MRTFB: variants seen among roughly 807,000 people sequenced by gnomAD.
MRTFB encodes the protein myocardin-related transcription factor B.
MRTFB carries 29 observed loss-of-function variants against 104.2 expected under a neutral mutation model. The observed-to-expected ratio is 0.28, with a 90% CI of 0.21 to 0.38. MRTFB has a LOEUF of 0.38. MRTFB is among the 10% of genes least tolerant of loss of function. The pLI is 1.00. For synonymous variants in MRTFB, 535 were observed against 519.5 expected (o/e 1.03, Z -0.41); for missense variants, 1,270 against 1,341.6 (o/e 0.95, Z 0.83).
At chr16:14,007,712 C>T in the MRTFB span, among the ~76,000 whole-genome samples, 1 of 152,224 alleles carries the variant, frequency 6.6e-6, no homozygotes, top group Non-Finnish European at 1.5e-5. Context: ...AATTTCACTA[C>T]CTCCTTGCCA....
At chr16:14,253,303 A>G (rs2043330290) in intron 15 of MRTFB, among the ~76,000 whole-genome samples, 1 of 152,222 alleles carries the variant, frequency 6.6e-6, no homozygotes, top group African/African-American at 2.4e-5. Flanking sequence ...AGAGGATTCA[A>G]GGAGTGGCCC....
chr16:14,067,371 C>T (rs928694733), upstream of MRTFB, among the ~76,000 whole-genome samples: 19 of 151,878 alleles, frequency 1.3e-4, 1 homozygote, highest in Admixed American at 5.9e-4. Context: ...TATAGGCATG[C>T]GCCACCACAC....
intron 3 of MRTFB, among the ~76,000 whole-genome samples, chr16:14,208,754 A>T (rs1329146378): frequency 2.0e-5 from 3 of 152,246 alleles, no homozygotes; most frequent in Non-Finnish European, 4.4e-5. Context: ...TTAGTAAAGT[A>T]CAGTGGGAAC....
chr16:14,084,915 T>C (rs1206319916), intron 2 of MRTFB, among the ~76,000 whole-genome samples: 1 of 152,190 alleles, frequency 6.6e-6, no homozygotes, highest in Non-Finnish European at 1.5e-5. Flanking sequence ...TATCAGGAGC[T>C]ATTTCAAACA....
intron 8 of MRTFB, among the ~76,000 whole-genome samples, chr16:14,230,371 G>A (rs1198956297): frequency 2.0e-5 from 3 of 151,552 alleles, no homozygotes; most frequent in Non-Finnish European, 4.4e-5. Context: ...GAAAATTTTC[G>A]CAACCTACTC....
chr16:14,160,838 T>C (rs2039003469), intron 3 of MRTFB, among the ~76,000 whole-genome samples: 1 of 152,080 alleles, frequency 6.6e-6, no homozygotes, highest in Admixed American at 6.5e-5. Context: ...TTCATGGTGG[T>C]TTTTGTGTCC....
the MRTFB span, among the ~76,000 whole-genome samples, chr16:13,999,059 A>C: frequency 6.6e-6 from 1 of 151,550 alleles, no homozygotes; most frequent in African/African-American, 2.4e-5. Context: ...GCGTGGTAGC[A>C]TGTGCCTGTA....
At chr16:14,150,025 T>G (rs1034624098) in intron 3 of MRTFB, among the ~76,000 whole-genome samples, 1 of 152,190 alleles carries the variant, frequency 6.6e-6, no homozygotes, top group Non-Finnish European at 1.5e-5. Flanking sequence ...ACGGCACATC[T>G]TAGGCTCTCA....
At chr16:14,185,162 G>A (rs755065213) in intron 3 of MRTFB, among the ~76,000 whole-genome samples, 79 of 152,212 alleles carry the variant, frequency 5.2e-4, no homozygotes, top group Non-Finnish European at 1.1e-3. Flanking sequence ...ATTTGTTCCT[G>A]CAGAGGTTTG....
intron 6 of MRTFB, among the ~76,000 whole-genome samples, chr16:14,216,067 G>A (rs531943493): frequency 2.0e-4 from 30 of 152,286 alleles, no homozygotes; most frequent in Non-Finnish European, 3.1e-4. Context: ...CGCAATAGCG[G>A]TCACAACAGA....
At chr16:14,036,611 A>G in the MRTFB span, among the ~76,000 whole-genome samples, 2 of 151,082 alleles carry the variant, frequency 1.3e-5, no homozygotes, top group African/African-American at 2.4e-5. Context: ...TCCATCATAT[A>G]TATGTTGAAA....
intron 9 of MRTFB, among the ~76,000 whole-genome samples, chr16:14,235,771 T>C (rs760242901): frequency 2.0e-5 from 3 of 152,238 alleles, no homozygotes; most frequent in African/African-American, 4.8e-5. Flanking sequence ...GGTGCCTTCC[T>C]GACAGTGGCT....
At chr16:14,146,586 T>G (rs186129013) in intron 3 of MRTFB, among the ~76,000 whole-genome samples, 12 of 152,306 alleles carry the variant, frequency 7.9e-5, no homozygotes, top group Non-Finnish European at 1.5e-4. Context: ...ATACATGTAT[T>G]AATATATTTG....
rs1402894572 is a variant in MRTFB at position 14,212,465 on chromosome 16, A to G, written c.276+56A>G. 1.1e-5 allele frequency: 17 copies of G among 1,515,828 alleles called. No homozygotes were observed. In the Admixed American group the frequency reaches 2.2e-4, roughly 20 times the overall value. 93.9% of individuals were successfully genotyped at this position (1,515,828 alleles called of 1,614,324 possible). A position where few individuals can be genotyped will look rare whatever the true frequency, so the allele number is the denominator to read the frequency against. On this transcript the variant is annotated intron_variant, in intron 5 of 16. Transcript: ENST00000571589. ...TCTCTCTCCTTCTCTCCTCTCTTCT[A>G]AAATACCTGTGTACAAGTAGCAGTG...
At position 14,227,290 on chromosome 16, in the gene MRTFB, AC is replaced by A. The variant is rs1246538545; in HGVS notation, c.694-6855del. On this transcript the variant is annotated intron_variant, in intron 8 of 16. Transcript: ENST00000571589. ...AGAGCTTGTTGTTAAAAAAACAAAA[AC>A]AAAACAAAAAGAAAGAAAGAAAAGC... 5.6e-3 allele frequency among the ~76,000 whole-genome samples: 774 copies of A among 139,402 alleles called. 6 individuals carry two copies. The highest frequency in any genetic ancestry group is 0.019 in the African/African-American group (728 of 39,300). 91.5% of individuals were successfully genotyped at this position (139,402 alleles called of 152,430 possible).
the MRTFB span, among the ~76,000 whole-genome samples, chr16:14,017,713 T>TATATATATA: frequency 4.1e-3 from 39 of 9,448 alleles, 2 homozygotes; most frequent in Non-Finnish European, 0.01. Flanking sequence ...ATATATATAT[T>TATATATATA]TTTTTTTTTT....
the MRTFB span, among the ~76,000 whole-genome samples, chr16:14,017,647 ATGTG>A: frequency 0.011 from 633 of 58,916 alleles, 63 homozygotes; most frequent in African/African-American, 0.037. Context: ...ATATGTATAT[ATGTG>A]TGTGTGTGTG....
chr16:14,046,500 C>A, the MRTFB span, among the ~76,000 whole-genome samples: 1 of 152,164 alleles, frequency 6.6e-6, no homozygotes, highest in Non-Finnish European at 1.5e-5. Context: ...CTTCTTCCCA[C>A]GGTGCACAAC....
At chr16:14,203,626 AC>A (rs2040809611) in intron 3 of MRTFB, among the ~76,000 whole-genome samples, 1 of 151,696 alleles carries the variant, frequency 6.6e-6, no homozygotes, top group South Asian at 2.1e-4. Context: ...ACATAGGAAA[AC>A]CCCGTCTCTA....
Sources: allele counts gnomAD v4.1 joint callset (sites outside exome capture counted in the v4.1 genomes callset), GRCh38; gene constraint gnomAD v4.1.1; transcripts MANE v1.5; gene names NCBI Gene and HGNC (gene_info 2026-07-23, HGNC 2026-07-21).